Variants in LINGO2 observed in about 807,000 individuals in gnomAD.
LINGO2 encodes leucine rich repeat and Ig domain containing 2.
A neutral mutation model predicts 30.6 loss-of-function variants in LINGO2; 14 were observed. The ratio of observed to expected loss-of-function variants is 0.46; its 90% CI spans 0.30 to 0.72. The LOEUF (loss-of-function observed/expected upper bound fraction) is 0.72. Among genes scored for constraint, LINGO2 ranks in the 30% least tolerant of loss-of-function variants. The pLI, the probability that LINGO2 is intolerant of heterozygous loss-of-function variation, is 0.07. For synonymous variants in LINGO2, 317 were observed against 288.5 expected (o/e 1.10, Z -1.00); for missense variants, 729 against 751.7 (o/e 0.97, Z 0.35).
the LINGO2 span, among the ~76,000 whole-genome samples, chr9:29,204,850 A>G: frequency 6.6e-6 from 1 of 152,212 alleles, no homozygotes; most frequent in Non-Finnish European, 1.5e-5. Context: ...AAAAGTGATG[A>G]TAGCATACAT....
downstream of LINGO2, among the ~76,000 whole-genome samples, chr9:27,945,974 A>C (rs1823349461): frequency 6.6e-6 from 1 of 152,108 alleles, no homozygotes; most frequent in Non-Finnish European, 1.5e-5. Context: ...TTTTTTTGGT[A>C]GTCTATCGGA....
intron 4 of LINGO2, among the ~76,000 whole-genome samples, chr9:28,122,802 G>A (rs1259527415): frequency 6.6e-6 from 1 of 152,150 alleles, no homozygotes; most frequent in Non-Finnish European, 1.5e-5. Flanking sequence ...TACATTAAGA[G>A]AATTTTGAGA....
chr9:28,179,691 T>C (rs557833660), intron 4 of LINGO2, among the ~76,000 whole-genome samples: 1 of 145,166 alleles, frequency 6.9e-6, no homozygotes, highest in South Asian at 2.1e-4. Flanking sequence ...ATATATACTA[T>C]AGTATATATA....
At chr9:28,219,894 A>C (rs1820896657) in intron 4 of LINGO2, among the ~76,000 whole-genome samples, 1 of 152,180 alleles carries the variant, frequency 6.6e-6, no homozygotes, top group Non-Finnish European at 1.5e-5. Context: ...TGCTGTATCC[A>C]TGAGATCTAT....
chr9:28,153,732 C>G (rs963088760), intron 4 of LINGO2, among the ~76,000 whole-genome samples: 4 of 152,098 alleles, frequency 2.6e-5, no homozygotes, highest in African/African-American at 9.7e-5. Context: ...AGAGAGCACT[C>G]CTCTATTCCT....
chr9:28,769,502 ATATATATATATATATATTTTT>A, the LINGO2 span, among the ~76,000 whole-genome samples: 2 of 4,590 alleles, frequency 4.4e-4, no homozygotes, highest in African/African-American at 1.7e-3. Flanking sequence ...ATATATATAT[ATATATATATATATATATTTTT>A]TTTTTTTTTT....
chr9:28,231,319 G>A (rs1045406932), intron 4 of LINGO2, among the ~76,000 whole-genome samples: 21 of 151,898 alleles, frequency 1.4e-4, no homozygotes, highest in African/African-American at 4.8e-4. Context: ...CTATATAGGA[G>A]CCATTCACTG....
At chr9:28,624,158 C>G (rs1477345930) in intron 1 of LINGO2, among the ~76,000 whole-genome samples, 1 of 151,994 alleles carries the variant, frequency 6.6e-6, no homozygotes, top group Non-Finnish European at 1.5e-5. Flanking sequence ...ATTTGAATGT[C>G]CTTTATTTCT....
chr9:28,271,114 C>T (rs1272825350), intron 4 of LINGO2, among the ~76,000 whole-genome samples: 1 of 151,414 alleles, frequency 6.6e-6, no homozygotes, highest in South Asian at 2.1e-4. Flanking sequence ...TCCTCTTGAT[C>T]TAGAGTTATT....
In LINGO2 at chr9:27,964,998, G is replaced by C. The variant is rs189723679; in HGVS notation, c.-35-14292C>G. Among the ~76,000 whole-genome samples the C allele has an allele frequency of 2.0e-5, 3 of 152,152 alleles. No individual in the cohort carries two copies. In the East Asian group the frequency reaches 5.8e-4, roughly 29 times the overall value. ...AATGCAGAGCAATCCCAATACAGCA[G>C]CAACTTTCTTTACTCTCCCACAAGA... On this transcript the variant is annotated intron_variant, in intron 5 of 5. Coordinates refer to ENST00000379992, the Ensembl canonical transcript of LINGO2.
At chr9:29,200,782 A>G in the LINGO2 span, among the ~76,000 whole-genome samples, 1 of 152,102 alleles carries the variant, frequency 6.6e-6, no homozygotes. Context: ...ACCATATATT[A>G]GTTGTCATAT....
At chr9:28,181,065 TCA>T (rs1263416541) in intron 4 of LINGO2, among the ~76,000 whole-genome samples, 5 of 152,098 alleles carry the variant, frequency 3.3e-5, no homozygotes, top group Admixed American at 1.3e-4. Flanking sequence ...CCCTAAAGCG[TCA>T]CTCTAGATGC....
chr9:28,306,855 T>C (rs1479408659), intron 3 of LINGO2, among the ~76,000 whole-genome samples: 2 of 152,162 alleles, frequency 1.3e-5, no homozygotes, highest in East Asian at 1.9e-4. Flanking sequence ...CCTTGACACA[T>C]ACACCTTCCC....
chr9:28,536,749 A>C (rs979272351), intron 1 of LINGO2, among the ~76,000 whole-genome samples: 4 of 152,146 alleles, frequency 2.6e-5, no homozygotes, highest in African/African-American at 9.7e-5. Context: ...CAGAATAACA[A>C]GGCTCTTATA....
intron 1 of LINGO2, among the ~76,000 whole-genome samples, chr9:28,624,521 C>T (rs1004468308): frequency 9.2e-5 from 14 of 151,902 alleles, no homozygotes; most frequent in African/African-American, 2.9e-4. Context: ...GTAAATCCCA[C>T]TTGGTCATGG....
intron 1 of LINGO2, among the ~76,000 whole-genome samples, chr9:28,494,864 T>C (rs1238160357): frequency 2.0e-5 from 3 of 152,164 alleles, no homozygotes; most frequent in Admixed American, 2.0e-4. Flanking sequence ...TTTCTCCACA[T>C]CCTCTCCAGC....
intron 1 of LINGO2, among the ~76,000 whole-genome samples, chr9:28,613,058 T>A (rs1345718687): frequency 1.3e-5 from 2 of 152,100 alleles, no homozygotes; most frequent in African/African-American, 4.8e-5. Context: ...TCATTCTCCT[T>A]CCTGTCATCT....
chr9:28,411,222 A>G (rs1319063), intron 2 of LINGO2, among the ~76,000 whole-genome samples: 3 of 151,886 alleles, frequency 2.0e-5, no homozygotes, highest in Non-Finnish European at 1.5e-5. Context: ...GCAACTCCAG[A>G]GCAAAGTGAT....
At chr9:28,901,375 A>G in the LINGO2 span, among the ~76,000 whole-genome samples, 1 of 152,280 alleles carries the variant, frequency 6.6e-6, no homozygotes, top group South Asian at 2.1e-4. Flanking sequence ...ATATTAAAGT[A>G]TAAAACTCAC....
Sources: allele counts gnomAD v4.1 joint callset (sites outside exome capture counted in the v4.1 genomes callset), GRCh38; gene constraint gnomAD v4.1.1; transcripts MANE v1.5; gene names NCBI Gene and HGNC (gene_info 2026-07-23, HGNC 2026-07-21).